The following MEMO1 variants were observed in gnomAD, a reference collection of about 807,000 sequenced individuals.
MEMO1 encodes the protein mediator of cell motility 1, also known as protein MEMO1.
MEMO1 carries 6 observed loss-of-function variants against 45.2 expected under a neutral mutation model. The ratio of observed to expected loss-of-function variants is 0.13; its 90% CI spans 0.07 to 0.26. The LOEUF is 0.26. Ranked by LOEUF, MEMO1 falls within the 10% of genes least tolerant of loss-of-function variation. The probability of loss-of-function intolerance (pLI) is 1.00; values close to 1 mark genes in which losing one functional copy is unlikely to be tolerated. For missense variants in MEMO1, 184 were observed against 370.5 expected (o/e 0.50, Z 4.13); for synonymous variants, 78 against 124.3 (o/e 0.63, Z 2.48).
At chr2:31,963,188 T>A in intron 2 of MEMO1, 1 of 1,545,784 alleles carries the variant, frequency 6.5e-7, no homozygotes. Context: ...CTCTCCTGGG[T>A]CTCCAGCTTG....
intron 6 of MEMO1, among the ~76,000 whole-genome samples, chr2:31,905,281 TG>T (rs1202796548): frequency 6.6e-6 from 1 of 151,750 alleles, no homozygotes; most frequent in Non-Finnish European, 1.5e-5. Context: ...GGCAAAGAAC[TG>T]GGGAAAAAAG....
chr2:32,010,370 G>A (rs1284359026), intron 1 of MEMO1, 106 bp from the exon 2 acceptor site: 2 of 451,610 alleles, frequency 4.4e-6, no homozygotes, highest in Non-Finnish European at 7.9e-6. Context: ...GCGGCAGCGG[G>A]GAGGGGATCA....
chr2:31,922,728 TTTG>T (rs1156839442), intron 4 of MEMO1, among the ~76,000 whole-genome samples: 2 of 152,100 alleles, frequency 1.3e-5, no homozygotes, highest in Non-Finnish European at 2.9e-5. Context: ...ACATGCAGTA[TTTG>T]TTTTCTGTTC....
intron 6 of MEMO1, among the ~76,000 whole-genome samples, chr2:31,917,404 A>AT (rs1681622318): frequency 6.6e-6 from 1 of 152,126 alleles, no homozygotes; most frequent in Non-Finnish European, 1.5e-5. Context: ...CAAAATAGAT[A>AT]TTGTCCCTGT....
intron 3 of MEMO1, among the ~76,000 whole-genome samples, chr2:31,934,481 AAAC>A (rs1261445791): frequency 6.6e-6 from 1 of 152,042 alleles, no homozygotes; most frequent in Non-Finnish European, 1.5e-5. Context: ...AAAAAAAAAA[AAAC>A]AAGAAAAGAA....
Position 32,001,881 on chromosome 2 carries a change from C to T in MEMO1, c.61+8306G>A, listed in dbSNP as rs529469121. 1.3e-4 allele frequency among the ~76,000 whole-genome samples: 20 copies of T among 152,092 alleles called. No individual in the cohort carries two copies. The South Asian group carries it at 1.5e-3, about 11-fold the overall frequency. On this transcript the variant is annotated intron_variant, in intron 2 of 9. Transcript: ENST00000404530. ...AAAAATATATGGCCAGGCGTGGTGG[C>T]TCACACCTGCAATCCCAGCGCCTTG...
At chr2:31,961,998 CCT>C (rs1276444598) in intron 2 of MEMO1, among the ~76,000 whole-genome samples, 1 of 151,060 alleles carries the variant, frequency 6.6e-6, no homozygotes, top group Admixed American at 6.6e-5. Context: ...TAGATCTGGC[CCT>C]CTGTTTCCTT....
At chr2:31,919,074 A>C (rs958980763) in intron 5 of MEMO1, among the ~76,000 whole-genome samples, 3 of 151,928 alleles carry the variant, frequency 2.0e-5, no homozygotes, top group Non-Finnish European at 4.4e-5. Flanking sequence ...GCCAAAAATA[A>C]GAAAGAAGAA....
intron 3 of MEMO1, among the ~76,000 whole-genome samples, chr2:31,938,429 G>A (rs1160399054): frequency 2.0e-5 from 3 of 151,732 alleles, no homozygotes; most frequent in Admixed American, 6.6e-5. Flanking sequence ...GGCGGATCAC[G>A]AGGTCAGGAG....
At chr2:31,947,902 T>G (rs976894464) in intron 2 of MEMO1, among the ~76,000 whole-genome samples, 4 of 152,172 alleles carry the variant, frequency 2.6e-5, no homozygotes, top group Non-Finnish European at 4.4e-5. Flanking sequence ...TAAGCCAAAT[T>G]GGTTTTCTAT....
At chr2:31,998,996 T>C (rs1367589941) in intron 2 of MEMO1, among the ~76,000 whole-genome samples, 3 of 152,184 alleles carry the variant, frequency 2.0e-5, no homozygotes, top group Non-Finnish European at 4.4e-5. Context: ...CCTATCTCAG[T>C]ATAATAGCAA....
chr2:31,887,173 T>G (rs182370185), intron 7 of MEMO1, among the ~76,000 whole-genome samples: 1 of 152,144 alleles, frequency 6.6e-6, no homozygotes, highest in Non-Finnish European at 1.5e-5. Context: ...GTGTGGAGAA[T>G]AAGCTCCAGG....
At chr2:31,902,324 G>C (rs1367333758) in intron 6 of MEMO1, among the ~76,000 whole-genome samples, 1 of 151,962 alleles carries the variant, frequency 6.6e-6, no homozygotes, top group Non-Finnish European at 1.5e-5. Context: ...TTTGAACCTG[G>C]GAGGTGGAGG....
At chr2:31,940,562 C>A (rs188520947) in intron 3 of MEMO1, among the ~76,000 whole-genome samples, 1 of 152,184 alleles carries the variant, frequency 6.6e-6, no homozygotes, top group East Asian at 1.9e-4. Context: ...TATTTAAAGA[C>A]AGGGTATCTC....
At chr2:31,939,636 T>C (rs1034470110) in intron 3 of MEMO1, among the ~76,000 whole-genome samples, 5 of 152,238 alleles carry the variant, frequency 3.3e-5, no homozygotes, top group African/African-American at 1.2e-4. Flanking sequence ...ATGTCTCTCG[T>C]GAGTTACTAT....
chr2:31,990,263 A>G (rs569989541), intron 2 of MEMO1, among the ~76,000 whole-genome samples: 1 of 152,326 alleles, frequency 6.6e-6, no homozygotes, highest in Non-Finnish European at 1.5e-5. Context: ...ATTAAGCTAG[A>G]CATTAAAGAT....
intron 8 of MEMO1, among the ~76,000 whole-genome samples, chr2:31,875,375 T>C (rs1443941265): frequency 6.6e-6 from 1 of 152,110 alleles, no homozygotes; most frequent in African/African-American, 2.4e-5. Context: ...TCTCAGCAAA[T>C]TTCAACAAAG....
chr2:31,938,989 T>C (rs1665285966), intron 3 of MEMO1, among the ~76,000 whole-genome samples: 1 of 151,988 alleles, frequency 6.6e-6, no homozygotes, highest in South Asian at 2.1e-4. Flanking sequence ...TTCGCCATGT[T>C]GCACAGGCTA....
chr2:31,868,121 C>A lies in MEMO1; in HGVS notation c.*240G>T. 1 of 368,962 alleles carries A rather than the reference C, an allele frequency of 2.7e-6. No homozygotes were observed. Among genetic ancestry groups the A allele is most frequent in the Middle Eastern group, 8.4e-4 (1 of 1,194 alleles). 22.9% of individuals were successfully genotyped at this position (368,962 alleles called of 1,614,324 possible). ...CACAACTGAGCCTTTACATTGTCAT[C>A]TTTTTTGATCAAAATATTTTGATGC... On this transcript the variant is annotated 3_prime_UTR_variant, in exon 10 of 10. Transcript: ENST00000404530.
Sources: allele counts gnomAD v4.1 joint callset (sites outside exome capture counted in the v4.1 genomes callset), GRCh38; gene constraint gnomAD v4.1.1; transcripts MANE v1.5; gene names NCBI Gene and HGNC (gene_info 2026-07-23, HGNC 2026-07-21).